The following PLCD1 variants were observed in gnomAD, a reference collection of about 807,000 sequenced individuals.
The protein encoded by PLCD1 is 1-phosphatidylinositol 4,5-bisphosphate phosphodiesterase delta-1.
In PLCD1, 71 loss-of-function variants were observed where a neutral mutation model predicts 87.4. That is an observed-to-expected ratio of 0.81 (90% CI 0.67 to 0.99). PLCD1 has a LOEUF of 0.99. PLCD1 is among the 50% of genes least tolerant of loss of function. The pLI is 0.00. For missense variants in PLCD1, 867 were observed against 1,001.5 expected, an observed-to-expected ratio of 0.87 and a Z score of 1.81; for synonymous variants, 348 against 399.2, an observed-to-expected ratio of 0.87 and a Z score of 1.53.
intron 1 of PLCD1, among the ~76,000 whole-genome samples, chr3:38,026,858 G>A (rs377484232): frequency 5.1e-4 from 78 of 152,376 alleles, no homozygotes; most frequent in African/African-American, 1.7e-3. Context: ...CAGACCCACA[G>A]TAAGTAGAAC....
At chr3:38,011,136 G>A (rs1473472182) in intron 5 of PLCD1, 78 bp downstream of exon 5, 4 of 1,146,716 alleles carry the variant, frequency 3.5e-6, no homozygotes, top group Non-Finnish European at 5.0e-6. Context: ...CCTTCTTTCT[G>A]GCTGCAGTCT....
intron 1 of PLCD1, 122 bp downstream of exon 1, chr3:38,029,384 G>A (rs1700339465): frequency 3.5e-6 from 3 of 863,756 alleles, no homozygotes; most frequent in African/African-American, 1.7e-5. Context: ...GGGGCAGAGA[G>A]GCGGGCCCGG....
chr3:38,019,724 C>T (rs1005694484), intron 2 of PLCD1, among the ~76,000 whole-genome samples: 7 of 152,156 alleles, frequency 4.6e-5, no homozygotes, highest in Admixed American at 4.6e-4. Flanking sequence ...TCTGCCCTAA[C>T]ACCCCTCCTG....
At position 38,009,357 on chromosome 3, in the gene PLCD1, G is replaced by A; in HGVS notation, c.1521C>T (p.Phe507=). 1 of 1,614,168 alleles carries A rather than the reference G, an allele frequency of 6.2e-7. No homozygotes were observed. The highest frequency in any genetic ancestry group is 8.5e-7 in the Non-Finnish European group (1 of 1,179,994). ...IYCKSVHFGG[F]SSPGTPGQAF... is the part of the protein sequence containing the mutation. ...CCTGTCCAGGGGTGCCAGGACTGGA[G>A]AAGCCCCCAAAGTGGACACTCTTGC... Residue 507 remains phenylalanine (F), a synonymous_variant, in exon 10 of 15, where the codon TTC becomes TTT. Coordinates refer to ENST00000334661, the MANE Select transcript of PLCD1 (RefSeq NM_006225.4).
chr3:38,024,483 C>T (rs754090203), intron 1 of PLCD1: 2 of 1,576,280 alleles, frequency 1.3e-6, no homozygotes, highest in African/African-American at 1.4e-5. Context: ...GGGGCAGTGC[C>T]GCCTCCAGTG....
chr3:38,012,031 CTTT>C (rs763245915), intron 3 of PLCD1, among the ~76,000 whole-genome samples: 1 of 137,638 alleles, frequency 7.3e-6, no homozygotes, highest in Admixed American at 7.3e-5. Flanking sequence ...TTTTCCTTTT[CTTT>C]TTTTTTTTTT....
At position 38,008,524 on chromosome 3, in the gene PLCD1, G is replaced by C. The variant is rs115653853; in HGVS notation, c.1836C>G (p.Asn612Lys). 6.2e-7 allele frequency: 1 copy of C among 1,614,202 alleles called. No homozygotes were observed. The part of the protein sequence containing the change: ...VLKPAFLRDP[N>K]GTFNPRALAQ... ...CCAGGGCGCGGGGGTTAAAGGTGCC[G>C]TTGGGGTCTCGCAGGAAGGCGGGCT... Residue 612 changes from asparagine (N) to lysine (K), a missense_variant, in exon 12 of 15, where the codon AAC becomes AAG. Asn to Lys is a moderately conservative substitution (Grantham distance 94). Transcript: ENST00000334661.
chr3:38,024,694 G>T (rs1700286975), intron 1 of PLCD1: 1 of 1,491,948 alleles, frequency 6.7e-7, no homozygotes. Flanking sequence ...CACGAGCGGC[G>T]GGACCTATGC....
intron 2 of PLCD1, among the ~76,000 whole-genome samples, 200 bp downstream of exon 2, chr3:38,019,988 T>A (rs1575354949): frequency 1.3e-5 from 2 of 152,142 alleles, no homozygotes; most frequent in African/African-American, 4.8e-5. Flanking sequence ...CCGATGGCAA[T>A]TTAACTGGCC....
intron 3 of PLCD1, among the ~76,000 whole-genome samples, chr3:38,013,139 C>T (rs1350680663): frequency 6.6e-6 from 1 of 152,032 alleles, no homozygotes; most frequent in East Asian, 1.9e-4. Flanking sequence ...ATCCACCTGC[C>T]TCAGCCTCCC....
chr3:38,013,208 C>CTTTTTT (rs869279889), intron 3 of PLCD1, among the ~76,000 whole-genome samples: 1 of 118,492 alleles, frequency 8.4e-6, no homozygotes, highest in Non-Finnish European at 1.8e-5. Context: ...TTTTAATTTT[C>CTTTTTT]TTTTTTTTTT....
At chr3:38,024,751 G>A (rs924647069) in intron 1 of PLCD1, 6 of 1,355,366 alleles carry the variant, frequency 4.4e-6, no homozygotes, top group African/African-American at 1.5e-5. Flanking sequence ...GTAAATGAGT[G>A]GGGGGAGTCA....
intron 11 of PLCD1, 45 bp from the exon 12 acceptor site, chr3:38,008,681 G>A (rs1373803246): frequency 7.0e-6 from 11 of 1,572,854 alleles, no homozygotes; most frequent in Admixed American, 5.0e-5. Context: ...CTGGCCCTGG[G>A]GCCCTAGAGC....
chr3:38,021,270 C>T (rs1700229763), intron 1 of PLCD1, among the ~76,000 whole-genome samples: 1 of 152,212 alleles, frequency 6.6e-6, no homozygotes, highest in African/African-American at 2.4e-5. Flanking sequence ...GCTGCCCCAG[C>T]CCCATCTCAG....
chr3:38,009,181 C>A, intron 10 of PLCD1, 23 bp from the exon 11 acceptor site: 1 of 1,613,250 alleles, frequency 6.2e-7, no homozygotes, highest in South Asian at 1.1e-5. Context: ...GTGGTTCGGT[C>A]AGCAGTGGAG....
Position 38,010,567 on chromosome 3 carries a change from G to T in PLCD1, c.791-5C>A. ...TCATCTGCCGCTGCGCCTTGGCTGG[G>T]AGGGAGGAGGCCACTGCCCGTCAGA... On this transcript the variant is annotated splice_polypyrimidine_tract_variant and splice_region_variant and intron_variant, in intron 5 of 14. Coordinates refer to ENST00000334661, the MANE Select transcript of PLCD1 (RefSeq NM_006225.4). 6.2e-7 allele frequency: 1 copy of T among 1,610,670 alleles called. No individual in the cohort carries two copies. Among genetic ancestry groups the T allele is most frequent in the Non-Finnish European group, 8.5e-7 (1 of 1,178,296 alleles).
In PLCD1 at chr3:38,011,094, G is replaced by C. The variant is rs1264101937; in HGVS notation, c.790+120C>G. The C allele has an allele frequency of 2.1e-5, 15 of 725,092 alleles. No homozygotes were observed. In the East Asian group the frequency reaches 4.1e-4, roughly 20 times the overall value. The allele number at this position is 725,092 out of a possible 1,614,324, so 44.9% of individuals were successfully genotyped here. The stretch of plus-strand genomic sequence containing the variant: ...CAGAAAGTGTGGAGCAGGGCCCCGG[G>C]GCTGGCTGAGGCAGCCCCTTCCCTC... On this transcript the variant is annotated intron_variant, in intron 5 of 14. Coordinates refer to ENST00000334661, the MANE Select transcript of PLCD1 (RefSeq NM_006225.4).
chr3:38,023,092 A>G (rs1280670438), intron 1 of PLCD1, among the ~76,000 whole-genome samples: 1 of 152,092 alleles, frequency 6.6e-6, no homozygotes, highest in African/African-American at 2.4e-5. Context: ...GGTGGGGCAT[A>G]CAGGGTGTTG....
At chr3:38,020,397 C>T (rs776255769) in intron 1 of PLCD1, 45 bp from the exon 2 acceptor site, 1 of 1,591,298 alleles carries the variant, frequency 6.3e-7, no homozygotes, top group Admixed American at 1.7e-5. Context: ...CACTAGTTTC[C>T]CTGATGCCCT....
Sources: gnomAD v4.1 joint callset for allele counts (sites outside exome capture counted in the v4.1 genomes callset) on GRCh38, gnomAD v4.1.1 for gene constraint, MANE v1.5 for transcripts, NCBI Gene and HGNC (gene_info 2026-07-23, HGNC 2026-07-21) for gene names.